The following RARB variants were observed in gnomAD, a reference collection of about 807,000 sequenced individuals.
The protein encoded by RARB is HBV-activated protein.
Under a neutral mutation model 51.9 loss-of-function variants are expected in RARB, and 17 were observed. The observed-to-expected ratio is 0.33, with a 90% CI of 0.22 to 0.49. RARB has a LOEUF of 0.49. Ranked by LOEUF, RARB falls within the 20% of genes least tolerant of loss-of-function variation. The probability of loss-of-function intolerance (pLI) is 0.99; values close to 1 mark genes in which losing one functional copy is unlikely to be tolerated. For missense variants in RARB, 369 were observed against 550.8 expected (o/e 0.67, Z 3.30); for synonymous variants, 215 against 195.4 (o/e 1.10, Z -0.84).
intron 2 of RARB, among the ~76,000 whole-genome samples, chr3:25,476,826 T>A (rs1559423496): frequency 6.6e-6 from 1 of 152,246 alleles, no homozygotes; most frequent in African/African-American, 2.4e-5. Flanking sequence ...TACTGATTAC[T>A]ATTTGAAACT....
At chr3:25,093,586 A>C (rs1277075016) in intron 3 of RARB, among the ~76,000 whole-genome samples, 1 of 152,184 alleles carries the variant, frequency 6.6e-6, no homozygotes, top group Non-Finnish European at 1.5e-5. Context: ...ACATGTAGAC[A>C]TAAACAATTA....
chr3:25,259,250 C>T (rs1005288297), intron 5 of RARB, among the ~76,000 whole-genome samples: 2 of 152,090 alleles, frequency 1.3e-5, no homozygotes, highest in Non-Finnish European at 2.9e-5. Context: ...GGAGTTTTTG[C>T]TGTGAAGTGG....
At chr3:25,590,304 G>T (rs1701565709) in intron 5 of RARB, among the ~76,000 whole-genome samples, 1 of 152,214 alleles carries the variant, frequency 6.6e-6, no homozygotes. Context: ...ATTTCTAAGT[G>T]AGTTATTGGC....
intron 4 of RARB, among the ~76,000 whole-genome samples, chr3:25,133,768 G>A (rs191105124): frequency 7.9e-5 from 12 of 151,826 alleles, no homozygotes; most frequent in Non-Finnish European, 8.8e-5. Context: ...ATGCAGACAC[G>A]CGTCCAAGAC....
At chr3:25,082,430 C>T (rs1699026233) in intron 3 of RARB, among the ~76,000 whole-genome samples, 1 of 151,648 alleles carries the variant, frequency 6.6e-6, no homozygotes, top group East Asian at 1.9e-4. Flanking sequence ...AGTAATTATA[C>T]CCCTTTATAT....
At chr3:25,034,823 C>A (rs915263741) in intron 2 of RARB, among the ~76,000 whole-genome samples, 3 of 152,200 alleles carry the variant, frequency 2.0e-5, no homozygotes, top group African/African-American at 7.2e-5. Flanking sequence ...TCCACACTTC[C>A]AGTGTCTCTT....
intron 2 of RARB, among the ~76,000 whole-genome samples, chr3:24,965,074 G>A (rs115624900): frequency 0.013 from 1,952 of 152,216 alleles, 48 homozygotes; most frequent in African/African-American, 0.044. Flanking sequence ...CCATGTAATC[G>A]ATTATCCTTT....
intron 3 of RARB, among the ~76,000 whole-genome samples, chr3:25,529,228 A>G (rs1698791447): frequency 6.6e-6 from 1 of 152,142 alleles, no homozygotes; most frequent in African/African-American, 2.4e-5. Context: ...GTATGTGTAC[A>G]TGTGATGTGT....
At chr3:25,015,888 G>A (rs1553623636) in intron 2 of RARB, among the ~76,000 whole-genome samples, 1 of 152,156 alleles carries the variant, frequency 6.6e-6, no homozygotes, top group Non-Finnish European at 1.5e-5. Flanking sequence ...AATAAATCAA[G>A]TCATATCATG....
At chr3:25,252,168 A>G (rs1168975800) in intron 5 of RARB, among the ~76,000 whole-genome samples, 1 of 152,118 alleles carries the variant, frequency 6.6e-6, no homozygotes. Flanking sequence ...ATTTGAACAG[A>G]GGTATAAGTG....
chr3:25,007,454 C>T (rs144641747), intron 2 of RARB, among the ~76,000 whole-genome samples: 3 of 151,826 alleles, frequency 2.0e-5, no homozygotes, highest in African/African-American at 7.2e-5. Flanking sequence ...AGTGAAACCC[C>T]ATCTCTACTA....
intron 2 of RARB, among the ~76,000 whole-genome samples, chr3:25,468,128 G>T (rs901852934): frequency 2.0e-5 from 3 of 152,078 alleles, no homozygotes; most frequent in African/African-American, 4.8e-5. Flanking sequence ...ACTTCTTCTG[G>T]CTATGTCCAT....
At chr3:25,356,040 A>G (rs561965840) in intron 5 of RARB, among the ~76,000 whole-genome samples, 1 of 152,294 alleles carries the variant, frequency 6.6e-6, no homozygotes, top group Admixed American at 6.5e-5. Flanking sequence ...TTGCAAGTTA[A>G]TAGAAAGGAG....
chr3:24,893,282 A>C (rs1703418203), intron 2 of RARB, among the ~76,000 whole-genome samples: 1 of 152,238 alleles, frequency 6.6e-6, no homozygotes. Flanking sequence ...AAGATGGACC[A>C]TATTTATATT....
chr3:24,882,019 A>G (rs557015875), intron 2 of RARB, among the ~76,000 whole-genome samples: 2 of 152,354 alleles, frequency 1.3e-5, no homozygotes, highest in East Asian at 3.9e-4. Flanking sequence ...GAATATTGCC[A>G]TAACAATGAA....
chr3:25,160,158 C>A (rs1317798947), intron 4 of RARB, among the ~76,000 whole-genome samples: 6 of 152,174 alleles, frequency 3.9e-5, no homozygotes. Context: ...GATGAAATAG[C>A]TCTATCATAT....
intron 5 of RARB, among the ~76,000 whole-genome samples, chr3:25,238,952 C>CG (rs1702367450): frequency 6.6e-6 from 1 of 150,830 alleles, no homozygotes; most frequent in African/African-American, 2.5e-5. Context: ...GCACTCCAGC[C>CG]GGGGCAGCAG....
At chr3:25,187,550 A>C (rs1701006497) in intron 5 of RARB, among the ~76,000 whole-genome samples, 1 of 152,062 alleles carries the variant, frequency 6.6e-6, no homozygotes, top group South Asian at 2.1e-4. Flanking sequence ...TAGAGACAGG[A>C]GAAAGGGAAA....
At chr3:25,505,303 A>G (rs911239013) in intron 3 of RARB, among the ~76,000 whole-genome samples, 6 of 152,182 alleles carry the variant, frequency 3.9e-5, no homozygotes, top group Admixed American at 3.3e-4. Context: ...ACTGAAATAT[A>G]TACTGCGTGC....
Sources: allele counts gnomAD v4.1 joint callset (sites outside exome capture counted in the v4.1 genomes callset), GRCh38; gene constraint gnomAD v4.1.1; transcripts MANE v1.5; gene names NCBI Gene and HGNC (gene_info 2026-07-23, HGNC 2026-07-21).